The following SPDYA variants were observed in gnomAD, a reference collection of about 807,000 sequenced individuals.
SPDYA encodes speedy protein A.
A neutral mutation model predicts 36.7 loss-of-function variants in SPDYA; 11 were observed. The ratio of observed to expected loss-of-function variants is 0.30; its 90% CI spans 0.19 to 0.50. The LOEUF (loss-of-function observed/expected upper bound fraction) is 0.50. SPDYA is among the 20% of genes least tolerant of loss of function. The pLI is 0.98. For missense variants in SPDYA, 287 were observed against 370.9 expected, an observed-to-expected ratio of 0.77 and a Z score of 1.86; for synonymous variants, 115 against 118.7, an observed-to-expected ratio of 0.97 and a Z score of 0.20.
At chr2:28,829,584 G>T (rs1668423103) in intron 6 of SPDYA, among the ~76,000 whole-genome samples, 4 of 151,822 alleles carry the variant, frequency 2.6e-5, no homozygotes, top group Admixed American at 2.6e-4. Flanking sequence ...GAGGCGGGTG[G>T]ATCTCCTGAG....
At chr2:28,827,206 C>G (rs1668350402) in intron 5 of SPDYA, among the ~76,000 whole-genome samples, 1 of 151,774 alleles carries the variant, frequency 6.6e-6, no homozygotes, top group African/African-American at 2.4e-5. Flanking sequence ...TCCCAAAGTG[C>G]TGGGATTACA....
chr2:28,822,286 C>A, intron 4 of SPDYA, 39 bp from the exon 5 acceptor site: 2 of 995,380 alleles, frequency 2.0e-6, no homozygotes, highest in East Asian at 2.8e-5. Context: ...TTTATGAAAG[C>A]AAAACATTAA....
intron 7 of SPDYA, among the ~76,000 whole-genome samples, chr2:28,842,765 C>T (rs1332073543): frequency 6.6e-6 from 1 of 151,984 alleles, no homozygotes; most frequent in Non-Finnish European, 1.5e-5. Flanking sequence ...TAAAAATATA[C>T]ATTCATTTTC....
chr2:28,831,677 C>T (rs1458193071), intron 6 of SPDYA, among the ~76,000 whole-genome samples: 1 of 152,086 alleles, frequency 6.6e-6, no homozygotes, highest in Admixed American at 6.5e-5. Flanking sequence ...AAATCTAGTA[C>T]ACTTCTAATA....
At chr2:28,824,884 A>AT (rs1668279953) in intron 5 of SPDYA, among the ~76,000 whole-genome samples, 1 of 152,102 alleles carries the variant, frequency 6.6e-6, no homozygotes. Flanking sequence ...CAGGAGATAT[A>AT]TTTTCCAGTG....
chr2:28,848,976 T>C (rs954930524), intron 7 of SPDYA, among the ~76,000 whole-genome samples: 14 of 151,908 alleles, frequency 9.2e-5, no homozygotes, highest in Admixed American at 2.6e-4. Flanking sequence ...TCCTGGGAGA[T>C]TGAGGCTGCA....
rs189484893 is a variant in SPDYA, at chr2:28,834,612, C to T, written c.552+5293C>T. On this transcript the variant is annotated intron_variant, in intron 6 of 7. Coordinates refer to ENST00000334056, the MANE Select transcript of SPDYA (RefSeq NM_182756.4). ...AAAAGATTATGCTACATAAAAGAAG[C>T]CTGTCACAAAGGACGACATATTGTA... Among the ~76,000 whole-genome samples, 580 of 152,226 alleles carry T rather than the reference C, an allele frequency of 3.8e-3. 4 individuals are homozygous for T. Among genetic ancestry groups the T allele is most frequent in the African/African-American group, 0.013 (552 of 41,534 alleles).
intron 5 of SPDYA, among the ~76,000 whole-genome samples, chr2:28,827,210 G>A (rs1668350647): frequency 6.6e-6 from 1 of 151,836 alleles, no homozygotes; most frequent in African/African-American, 2.4e-5. Flanking sequence ...AAAGTGCTGG[G>A]ATTACAGGCG....
At chr2:28,841,419 T>C (rs1668747967) in intron 7 of SPDYA, among the ~76,000 whole-genome samples, 1 of 152,160 alleles carries the variant, frequency 6.6e-6, no homozygotes. Flanking sequence ...TATCTGACAT[T>C]TCTTTTCTAG....
rs200447701 is a variant in SPDYA at position 28,822,336 on chromosome 2, T to C, written c.306T>C (p.Ala102=). Residue 102 remains alanine (A), a synonymous_variant, in exon 5 of 8, where the codon GCT becomes GCC. Transcript: ENST00000334056. ...CCKIADKYLL[A]MTFVYFKRAK... The stretch of plus-strand genomic sequence containing the variant: ...TTTTTTCCTTATAGTATCTTTTGGC[T>C]ATGACCTTTGTTTATTTCAAGAGGG... 2.4e-5 allele frequency: 37 copies of C among 1,543,862 alleles called. 1 individual carries two copies. In the East Asian group the frequency reaches 4.3e-4, roughly 18 times the overall value.
At chr2:28,834,953 C>T (rs1436592507) in intron 6 of SPDYA, among the ~76,000 whole-genome samples, 2 of 152,196 alleles carry the variant, frequency 1.3e-5, no homozygotes, top group African/African-American at 2.4e-5. Context: ...TAGCACTCAA[C>T]CATCATGTAA....
chr2:28,846,484 T>C (rs1278976431), intron 7 of SPDYA, among the ~76,000 whole-genome samples: 1 of 152,042 alleles, frequency 6.6e-6, no homozygotes, highest in Non-Finnish European at 1.5e-5. Flanking sequence ...TTACTGGGTA[T>C]AAAAGGTAGG....
chr2:28,829,644 C>T (rs1162975738), intron 6 of SPDYA, among the ~76,000 whole-genome samples: 2 of 151,640 alleles, frequency 1.3e-5, no homozygotes, highest in Non-Finnish European at 2.9e-5. Context: ...CCCATTTCTA[C>T]TGAAAATACA....
At chr2:28,834,331 A>G (rs1453000358) in intron 6 of SPDYA, among the ~76,000 whole-genome samples, 1 of 152,204 alleles carries the variant, frequency 6.6e-6, no homozygotes, top group East Asian at 1.9e-4. Context: ...CAAGGTTAAC[A>G]TAGAGTTACC....
At chr2:28,824,372 G>T (rs929347343) in intron 5 of SPDYA, among the ~76,000 whole-genome samples, 2 of 150,622 alleles carry the variant, frequency 1.3e-5, no homozygotes, top group Non-Finnish European at 3.0e-5. Flanking sequence ...AGCTACTTGG[G>T]AGGCTGAGAT....
intron 7 of SPDYA, among the ~76,000 whole-genome samples, chr2:28,846,218 A>G (rs1054527694): frequency 1.2e-4 from 18 of 152,132 alleles, no homozygotes; most frequent in African/African-American, 4.3e-4. Flanking sequence ...CAGCCTGGCC[A>G]ACATGGTGAA....
chr2:28,812,717 C>T (rs975919333), intron 1 of SPDYA, among the ~76,000 whole-genome samples: 3 of 151,718 alleles, frequency 2.0e-5, no homozygotes, highest in Admixed American at 1.3e-4. Flanking sequence ...ATTAGCGGGG[C>T]GTGGTGGCAG....
At chr2:28,824,478 G>GA (rs1180132778) in intron 5 of SPDYA, among the ~76,000 whole-genome samples, 37,176 of 75,958 alleles carry the variant, frequency 0.49, 8,323 homozygotes, top group Non-Finnish European at 0.57. Context: ...GCTGTCAGGA[G>GA]AAAAAAAAAA....
chr2:28,841,219 C>A (rs756152463), intron 7 of SPDYA, among the ~76,000 whole-genome samples: 1 of 152,104 alleles, frequency 6.6e-6, no homozygotes, highest in Non-Finnish European at 1.5e-5. Context: ...CGGACACGAG[C>A]TACCGCACCC....
Sources: gnomAD v4.1 joint callset for allele counts (sites outside exome capture counted in the v4.1 genomes callset) on GRCh38, gnomAD v4.1.1 for gene constraint, MANE v1.5 for transcripts, NCBI Gene and HGNC (gene_info 2026-07-23, HGNC 2026-07-21) for gene names.